The following THADA variants were observed in gnomAD, a reference collection of about 807,000 sequenced individuals.
The protein encoded by THADA is THADA armadillo repeat containing, also known as tRNA (32-2'-O)-methyltransferase regulator THADA.
In THADA, 213 loss-of-function variants were observed where a neutral mutation model predicts 219.8. That is an observed-to-expected ratio of 0.97 (90% CI 0.87 to 1.09). The LOEUF (loss-of-function observed/expected upper bound fraction) is 1.09, where lower values mean the gene tolerates loss of function less well. Ranked by LOEUF, THADA falls within the 50% of genes least tolerant of loss-of-function variation. The probability of loss-of-function intolerance (pLI) is 0.00; values close to 1 mark genes in which losing one functional copy is unlikely to be tolerated. For synonymous variants in THADA, 1,018 were observed against 828.9 expected (o/e 1.23, Z -3.92); for missense variants, 2,956 against 2,311.3 (o/e 1.28, Z -5.72).
At position 43,293,120 on chromosome 2, in the gene THADA, C is replaced by A. The variant is rs376390075; in HGVS notation, c.4532G>T (p.Gly1511Val). The A allele has an allele frequency of 1.2e-6, 2 of 1,614,014 alleles. No homozygotes were observed. The highest frequency in any genetic ancestry group is 1.7e-6 in the Non-Finnish European group (2 of 1,179,902). ...GAGGCTCTGGAGGTACTGGGGCAGG[C>A]CTGGCACCTTGAAGGCCCAAGGGAA... is the stretch of plus-strand genomic sequence containing the variant. ...TGFPWAFKVP[G>V]LPQYLQSLTR... The change falls in exon 32 of 38, where the codon GGC (glycine) becomes GTC (valine). Residue 1511 changes from glycine to valine, a missense_variant. Physicochemically the swap from Gly to Val is moderately radical, Grantham distance 109. Transcript: ENST00000405975.
intron 29 of THADA, among the ~76,000 whole-genome samples, chr2:43,354,365 G>C (rs1668641248): frequency 1.3e-5 from 2 of 151,782 alleles, no homozygotes. Flanking sequence ...TCTCTGTTAT[G>C]AACATTCCAA....
rs183533754 is a variant in THADA, at chr2:43,469,863, G to A, written c.3836+15371C>T. 2.0e-3 allele frequency among the ~76,000 whole-genome samples: 301 copies of A among 152,270 alleles called. 6 individuals are homozygous for A. In the South Asian group the frequency reaches 0.043, roughly 22 times the overall value. Reference sequence around the variant, plus strand: ...GTATGACTTTAGACTGTAGGCAACAGAAAGCTAATAAAAATTCCTGAGTAG... The same window carrying A: ...GTATGACTTTAGACTGTAGGCAACAAAAAGCTAATAAAAATTCCTGAGTAG... On this transcript the variant is annotated intron_variant, in intron 26 of 37. Coordinates refer to ENST00000405975, the MANE Select transcript of THADA (RefSeq NM_022065.5).
At chr2:43,525,333 A>G (rs975100294) in intron 22 of THADA, among the ~76,000 whole-genome samples, 1 of 152,198 alleles carries the variant, frequency 6.6e-6, no homozygotes, top group Admixed American at 6.5e-5. Flanking sequence ...CTTCTACAAT[A>G]TGATCTTGCC....
intron 29 of THADA, among the ~76,000 whole-genome samples, chr2:43,344,531 A>G (rs1338043285): frequency 3.9e-5 from 6 of 152,232 alleles, no homozygotes; most frequent in African/African-American, 1.4e-4. Context: ...AACAACCTAT[A>G]CACTGATTTC....
Position 43,363,201 on chromosome 2 carries a change from A to G in THADA, c.4228-18964T>C, listed in dbSNP as rs146247264. 3.3e-5 allele frequency among the ~76,000 whole-genome samples: 5 copies of G among 152,350 alleles called. No homozygotes were observed. The South Asian group carries it at 8.3e-4, about 25-fold the overall frequency. The stretch of plus-strand genomic sequence containing the variant: ...AGGAACATAGTCATCTGCTGTCATT[A>G]TCGAGTATTATGTGTTGTATATAAT... On this transcript the variant is annotated intron_variant, in intron 29 of 37. Transcript: ENST00000405975.
chr2:43,425,919 C>T (rs1196714084), intron 28 of THADA, among the ~76,000 whole-genome samples: 1 of 152,150 alleles, frequency 6.6e-6, no homozygotes, highest in African/African-American at 2.4e-5. Flanking sequence ...CTTTCTGTTA[C>T]ACCAAAATAA....
At chr2:43,299,593 C>A (rs542425554) in intron 31 of THADA, among the ~76,000 whole-genome samples, 3 of 152,002 alleles carry the variant, frequency 2.0e-5, no homozygotes, top group African/African-American at 7.3e-5. Context: ...ACCCAAGAGG[C>A]GGAGTTTGCA....
chr2:43,432,678 CA>C (rs1679522855), intron 26 of THADA, among the ~76,000 whole-genome samples: 1 of 152,124 alleles, frequency 6.6e-6, no homozygotes, highest in East Asian at 1.9e-4. Flanking sequence ...GTCCTTTGAA[CA>C]TTTGCTGTTG....
At chr2:43,415,037 G>A (rs575811866) in intron 28 of THADA, among the ~76,000 whole-genome samples, 1 of 152,264 alleles carries the variant, frequency 6.6e-6, no homozygotes, top group African/African-American at 2.4e-5. Context: ...TTCCAAAGGT[G>A]GCAACTTGCT....
At chr2:43,402,601 G>A (rs1674994480) in intron 28 of THADA, among the ~76,000 whole-genome samples, 1 of 152,132 alleles carries the variant, frequency 6.6e-6, no homozygotes, top group Admixed American at 6.5e-5. Flanking sequence ...CACCAAAACT[G>A]TCTCTGCCCA....
intron 29 of THADA, among the ~76,000 whole-genome samples, chr2:43,371,429 T>A (rs1383476946): frequency 6.6e-6 from 1 of 152,220 alleles, no homozygotes; most frequent in East Asian, 1.9e-4. Context: ...CTGATTAGAA[T>A]GTTAATAGTA....
intron 20 of THADA, among the ~76,000 whole-genome samples, chr2:43,547,938 A>G (rs1440394615): frequency 2.0e-5 from 3 of 152,074 alleles, no homozygotes; most frequent in Admixed American, 1.3e-4. Context: ...GAGGAAAGGC[A>G]CCCTGCTTTT....
At chr2:43,486,970 G>C (rs1037042584) in intron 25 of THADA, among the ~76,000 whole-genome samples, 1 of 152,164 alleles carries the variant, frequency 6.6e-6, no homozygotes, top group Non-Finnish European at 1.5e-5. Flanking sequence ...GGTAGCCATA[G>C]AAGTGAACTT....
Position 43,279,886 on chromosome 2 carries a change from A to T in THADA, c.5175T>A (p.Asp1725Glu). The T allele has an allele frequency of 6.5e-7, 1 of 1,541,302 alleles. No individual in the cohort carries two copies. Among genetic ancestry groups the T allele is most frequent in the African/African-American group, 1.4e-5 (1 of 71,892 alleles). The change falls in exon 36 of 38, where the codon GAT (aspartate) becomes GAA (glutamate). Residue 1725 changes from aspartate to glutamate, a missense_variant. Asp to Glu is a conservative substitution (Grantham distance 45). Coordinates refer to ENST00000405975, the MANE Select transcript of THADA (RefSeq NM_022065.5). ...GGACACACTTCCAGAGAGCAAGTGT[A>T]TCCTGCAACTCTAAGAAGACCAAAA... ...TNPHPILELQDTLALWKCVLT... is the reference protein window; with the variant it reads ...TNPHPILELQETLALWKCVLT...
chr2:43,496,764 G>C (rs1042354693), intron 25 of THADA, among the ~76,000 whole-genome samples: 1 of 152,028 alleles, frequency 6.6e-6, no homozygotes, highest in African/African-American at 2.4e-5. Context: ...GAAGAAGTTT[G>C]TTCATTCCTC....
At chr2:43,246,588 C>T (rs1669181949) in intron 36 of THADA, among the ~76,000 whole-genome samples, 1 of 152,130 alleles carries the variant, frequency 6.6e-6, no homozygotes, top group Admixed American at 6.5e-5. Flanking sequence ...GCCTTTACAG[C>T]TCTAAATAGA....
At chr2:43,447,486 A>G (rs1681727615) in intron 26 of THADA, among the ~76,000 whole-genome samples, 1 of 152,174 alleles carries the variant, frequency 6.6e-6, no homozygotes, top group South Asian at 2.1e-4. Flanking sequence ...CCTTTCCCTT[A>G]CAAGATAGCA....
At chr2:43,447,119 C>T (rs969662802) in intron 26 of THADA, among the ~76,000 whole-genome samples, 9 of 152,092 alleles carry the variant, frequency 5.9e-5, no homozygotes, top group Admixed American at 1.3e-4. Context: ...CACCTCTTCA[C>T]AGGGCAGCAG....
chr2:43,313,472 A>G (rs757365738), intron 31 of THADA, among the ~76,000 whole-genome samples: 15 of 152,256 alleles, frequency 9.9e-5, no homozygotes, highest in Non-Finnish European at 2.1e-4. Context: ...AATATCAACT[A>G]ACAAAGAAAC....
Sources: allele counts gnomAD v4.1 joint callset (sites outside exome capture counted in the v4.1 genomes callset), GRCh38; gene constraint gnomAD v4.1.1; transcripts MANE v1.5; gene names NCBI Gene and HGNC (gene_info 2026-07-23, HGNC 2026-07-21).